Variants in MYO18A observed in about 807,000 individuals in gnomAD.
The protein encoded by MYO18A is myosin XVIIIA.
In MYO18A, 78 loss-of-function variants were observed where a neutral mutation model predicts 235.8. The ratio of observed to expected loss-of-function variants is 0.33; its 90% confidence interval spans 0.28 to 0.40. The LOEUF is 0.40. MYO18A is among the 10% of genes least tolerant of loss of function. The pLI is 1.00. For missense variants in MYO18A, 2,215 were observed against 2,699.3 expected (o/e 0.82, Z 3.98); for synonymous variants, 977 against 1,077.8 (o/e 0.91, Z 1.83).
intron 8 of MYO18A, 130 bp downstream of exon 8, chr17:29,119,205 C>T (rs2067140840): frequency 4.7e-6 from 3 of 637,868 alleles, no homozygotes; most frequent in African/African-American, 3.7e-5. Context: ...TAGCACATAG[C>T]AGACATGCAC....
At chr17:29,123,619 T>C (rs977913939) in intron 2 of MYO18A, among the ~76,000 whole-genome samples, 3 of 152,226 alleles carry the variant, frequency 2.0e-5, no homozygotes, top group Non-Finnish European at 2.9e-5. Context: ...GCTGCACCAG[T>C]GGCTCCCAGA....
chr17:29,082,227 AG>A, intron 41 of MYO18A, 88 bp downstream of exon 41: 1 of 1,534,272 alleles, frequency 6.5e-7, no homozygotes, highest in South Asian at 1.2e-5. Context: ...CAAGAGACAC[AG>A]GCCTGCCCTC....
rs1668411474 is a variant in MYO18A, at chr17:29,093,009, G to C, written c.4927-8C>G. On this transcript the variant is annotated splice_polypyrimidine_tract_variant and splice_region_variant and intron_variant, in intron 32 of 41. Transcript: ENST00000527372. ...AAAGTCCCGCCGGTTCACCTGGGTG[G>C]GCACCAGCAGTTGGGGTTCTGGGCT... 4 of 1,612,012 alleles carry C rather than the reference G, an allele frequency of 2.5e-6. No individual in the cohort carries two copies. In the African/African-American group the frequency reaches 5.3e-5, roughly 22 times the overall value.
chr17:29,124,085 A>T (rs186526962), intron 2 of MYO18A, among the ~76,000 whole-genome samples: 278 of 152,006 alleles, frequency 1.8e-3, no homozygotes, highest in African/African-American at 6.3e-3. Context: ...GTATATATAT[A>T]TTTTTTCTCA....
intron 1 of MYO18A, among the ~76,000 whole-genome samples, chr17:29,176,015 G>A (rs950755585): frequency 1.3e-5 from 2 of 152,100 alleles, no homozygotes; most frequent in Admixed American, 6.5e-5. Flanking sequence ...CCAAGATTGC[G>A]CCACTGCACT....
intron 2 of MYO18A, among the ~76,000 whole-genome samples, chr17:29,163,429 C>T (rs2068215598): frequency 6.6e-6 from 1 of 152,222 alleles, no homozygotes; most frequent in Non-Finnish European, 1.5e-5. Flanking sequence ...CTTATCCTGC[C>T]ACATGGCTCT....
In MYO18A at chr17:29,140,589, G is replaced by A. The variant is rs1265760610; in HGVS notation, c.1000-18336C>T. ...TGGAAGGGAAGGAGAAGGCTCTTAGGGTAAAGCCATTGGGGTGGGGGGCAG... is the reference window on the plus strand; with the variant it reads ...TGGAAGGGAAGGAGAAGGCTCTTAGAGTAAAGCCATTGGGGTGGGGGGCAG... On this transcript the variant is annotated intron_variant, in intron 2 of 41. Coordinates refer to ENST00000527372, the MANE Select transcript of MYO18A (RefSeq NM_078471.4). This position sits in a 1 kb window ranked among gnomAD's most constrained non-coding sequence, Gnocchi z 4.2. 1.0e-5 allele frequency: 3 copies of A among 300,878 alleles called. No individual in the cohort carries two copies. The highest frequency in any genetic ancestry group is 9.3e-5 in the South Asian group (3 of 32,424). The allele number at this position is 300,878 out of a possible 1,614,324, so 18.6% of individuals were successfully genotyped here. A position where few individuals can be genotyped will look rare whatever the true frequency, so the allele number is the denominator to read the frequency against.
chr17:29,089,842 T>C (rs4965416), intron 37 of MYO18A, 119 bp downstream of exon 37: 488,460 of 1,333,996 alleles, frequency 0.37, 96,508 homozygotes, highest in East Asian at 0.85. Context: ...GGCCTGGCAG[T>C]GAGGCACAGG....
rs950858225 is a variant in MYO18A at position 29,140,318 on chromosome 17, G to C, written c.1000-18065C>G. 7.3e-6 allele frequency: 9 copies of C among 1,230,004 alleles called. No homozygotes were observed. Among genetic ancestry groups the C allele is most frequent in the African/African-American group, 1.6e-5 (1 of 63,250 alleles). 76.2% of individuals were successfully genotyped at this position (1,230,004 alleles called of 1,614,324 possible). A position where few individuals can be genotyped will look rare whatever the true frequency, so the allele number is the denominator to read the frequency against. On this transcript the variant is annotated intron_variant, in intron 2 of 41. Coordinates refer to ENST00000527372, the MANE Select transcript of MYO18A (RefSeq NM_078471.4). The surrounding 1 kb of genome is among the most constrained non-coding windows in gnomAD (Gnocchi z 4.2). ...GAGGAGCCTGGGACATTTCCGGGGT[G>C]GGGGGTCAGAGGGACACTCACCCGC... is the stretch of plus-strand genomic sequence containing the variant.
In MYO18A at chr17:29,166,963, G is replaced by A. The variant is rs199751056; in HGVS notation, c.-23C>T. ...CATGGTGGGGGTGCTGTTTGTAGGG[G>A]TAGCACCCCCAGAGGATTATGAGTG... On this transcript the variant is annotated 5_prime_UTR_variant, in exon 2 of 42. Transcript: ENST00000527372. 6.6e-7 allele frequency: 1 copy of A among 1,511,064 alleles called. No homozygotes were observed. The highest frequency in any genetic ancestry group is 2.5e-5 in the East Asian group (1 of 40,502). 93.6% of individuals were successfully genotyped at this position (1,511,064 alleles called of 1,614,324 possible). A position where few individuals can be genotyped will look rare whatever the true frequency, so the allele number is the denominator to read the frequency against.
intron 1 of MYO18A, among the ~76,000 whole-genome samples, chr17:29,172,747 T>C (rs959443666): frequency 6.6e-6 from 1 of 152,162 alleles, no homozygotes; most frequent in Non-Finnish European, 1.5e-5. Context: ...CCTTTGTACA[T>C]GGAAAGTAAA....
In MYO18A at chr17:29,098,093, C is replaced by T. The variant is rs1189100879; in HGVS notation, c.3990+12G>A. On this transcript the variant is annotated intron_variant, in intron 25 of 41. Coordinates refer to ENST00000527372, the MANE Select transcript of MYO18A (RefSeq NM_078471.4). ...CACCAGCCTGCTGTTCTCACCCAGG[C>T]CCTGCCCTCACCTGCAGTTCCTTCA... 6.2e-7 allele frequency: 1 copy of T among 1,611,960 alleles called. No individual in the cohort carries two copies. The highest frequency in any genetic ancestry group is 8.5e-7 in the Non-Finnish European group (1 of 1,179,800).
chr17:29,151,855 C>T (rs974259192), intron 2 of MYO18A, among the ~76,000 whole-genome samples: 1 of 152,162 alleles, frequency 6.6e-6, no homozygotes, highest in Non-Finnish European at 1.5e-5. Context: ...TCATCCAGGG[C>T]ATGCCAGGAT....
intron 40 of MYO18A, among the ~76,000 whole-genome samples, chr17:29,083,275 A>G (rs1188874285): frequency 6.6e-6 from 1 of 152,104 alleles, no homozygotes; most frequent in African/African-American, 2.4e-5. Flanking sequence ...TAGCACTTGA[A>G]AGAAAGCCCA....
intron 19 of MYO18A, among the ~76,000 whole-genome samples, chr17:29,108,505 C>A (rs2066847348): frequency 6.6e-6 from 1 of 152,186 alleles, no homozygotes; most frequent in Admixed American, 6.5e-5. Context: ...GAAACGGAGG[C>A]CTGGGAGGAG....
chr17:29,093,471 C>G (rs750615142), intron 31 of MYO18A, 44 bp from the exon 32 acceptor site: 1 of 1,498,516 alleles, frequency 6.7e-7, no homozygotes, highest in Middle Eastern at 1.7e-4. Context: ...CCTTTAGTGC[C>G]TGGTGCGAAG....
intron 2 of MYO18A, among the ~76,000 whole-genome samples, chr17:29,127,099 T>C (rs1486855574): frequency 6.6e-6 from 1 of 152,202 alleles, no homozygotes; most frequent in African/African-American, 2.4e-5. Flanking sequence ...TGGAGCATTA[T>C]CTGTATCATT....
At chr17:29,114,168 G>T in intron 14 of MYO18A, 71 bp from the exon 15 acceptor site, 1 of 1,213,628 alleles carries the variant, frequency 8.2e-7, no homozygotes, top group Non-Finnish European at 1.2e-6. Flanking sequence ...GAGTAGGCTG[G>T]GAAGGGGCTC....
intron 40 of MYO18A, among the ~76,000 whole-genome samples, chr17:29,083,824 C>G (rs934979591): frequency 6.6e-6 from 1 of 152,212 alleles, no homozygotes; most frequent in Middle Eastern, 3.4e-3. Flanking sequence ...TGCAAAAAAC[C>G]TCCCTCTCTA....
Sources: allele counts gnomAD v4.1 joint callset (sites outside exome capture counted in the v4.1 genomes callset), GRCh38; gene constraint gnomAD v4.1.1; non-coding constraint Gnocchi (gnomAD v3.1); transcripts MANE v1.5; gene names NCBI Gene and HGNC (gene_info 2026-07-23, HGNC 2026-07-21).